PRKAR1B: variants seen among roughly 807,000 people sequenced by gnomAD.
The protein encoded by PRKAR1B is cAMP-dependent protein kinase type I-beta regulatory subunit.
In PRKAR1B, 22 loss-of-function variants were observed where a neutral mutation model predicts 46.5. The ratio of observed to expected loss-of-function variants is 0.47; its 90% CI spans 0.34 to 0.68. PRKAR1B has a LOEUF of 0.68. Ranked by LOEUF, PRKAR1B falls within the 30% of genes least tolerant of loss-of-function variation. The pLI is 0.01. For synonymous variants in PRKAR1B, 259 were observed against 217.7 expected, an observed-to-expected ratio of 1.19 and a Z score of -1.67; for missense variants, 445 against 535.6, an observed-to-expected ratio of 0.83 and a Z score of 1.67.
rs774298132 is a variant in PRKAR1B at position 680,656 on chromosome 7, G to A, written c.248C>T (p.Ser83Leu). 39 of 1,613,220 alleles carry A rather than the reference G, an allele frequency of 2.4e-5. No homozygotes were observed. Among genetic ancestry groups the A allele is most frequent in the Admixed American group, 2.3e-4 (14 of 59,860 alleles). The stretch of plus-strand genomic sequence containing the variant: ...CACCACAGGGTTCGGGGGGGTGGGC[G>A]ACACCTCCTCATCATGGGAGTCCGA... The part of the protein sequence containing the change: ...SQSDSHDEEV[S>L]PTPPNPVVKA... The change falls in exon 3 of 11, where the codon TCG (serine) becomes TTG (leucine). Residue 83 changes from serine to leucine, a missense_variant. Coordinates refer to ENST00000537384, the MANE Select transcript of PRKAR1B (RefSeq NM_001164760.2).
chr7:596,082 G>A (rs890648685), intron 7 of PRKAR1B, 64 bp downstream of exon 7: 2 of 1,567,802 alleles, frequency 1.3e-6, no homozygotes, highest in Non-Finnish European at 1.7e-6. Flanking sequence ...ATAGAGCTAG[G>A]GTTCCCAGGG....
In PRKAR1B at chr7:550,541, G is replaced by A. The variant is rs372637666; in HGVS notation, c.1035C>T (p.Leu345=). The A allele has an allele frequency of 5.6e-6, 9 of 1,605,702 alleles. No individual in the cohort carries two copies. In the African/African-American group the frequency reaches 6.7e-5, roughly 12 times the overall value. ...GGGGCCGGTCCAGCTTCACACACTT[G>A]AGGGGCCCCCGGGCCACGACAGTGG... ...RAATVVARGP[L]KCVKLDRPRF... is the part of the protein sequence containing the mutation. Residue 345 remains leucine (L), a synonymous_variant, in exon 11 of 11, where the codon CTC becomes CTT. Coordinates refer to ENST00000537384, the MANE Select transcript of PRKAR1B (RefSeq NM_001164760.2).
At chr7:678,492 G>T (rs1778467327) in intron 3 of PRKAR1B, among the ~76,000 whole-genome samples, 1 of 152,150 alleles carries the variant, frequency 6.6e-6, no homozygotes, top group African/African-American at 2.4e-5. Context: ...CTGAAACTCT[G>T]CACCCTTTGA....
At chr7:694,827 G>T (rs930320991) in intron 2 of PRKAR1B, among the ~76,000 whole-genome samples, 8 of 152,168 alleles carry the variant, frequency 5.3e-5, no homozygotes, top group Admixed American at 3.9e-4. Flanking sequence ...CCTGAGGTCA[G>T]AAGTTCGAGA....
chr7:556,647 C>T (rs4076752), intron 9 of PRKAR1B, among the ~76,000 whole-genome samples: 11,635 of 152,258 alleles, frequency 0.076, 558 homozygotes, highest in Non-Finnish European at 0.1. Context: ...GGGGCTGTGG[C>T]GCGGCTGGAC....
At chr7:710,478 G>T (rs572979314) in intron 2 of PRKAR1B, among the ~76,000 whole-genome samples, 1 of 152,200 alleles carries the variant, frequency 6.6e-6, no homozygotes, top group South Asian at 2.1e-4. Context: ...AGGCCAGGAA[G>T]GGGGTGAGAG....
chr7:676,683 G>C (rs982007155), intron 4 of PRKAR1B, among the ~76,000 whole-genome samples: 1 of 152,242 alleles, frequency 6.6e-6, no homozygotes, highest in African/African-American at 2.4e-5. Flanking sequence ...GTGAGCCCAC[G>C]TTTCCTGAGA....
intron 2 of PRKAR1B, among the ~76,000 whole-genome samples, chr7:709,746 C>T (rs2128527866): frequency 6.6e-6 from 1 of 152,226 alleles, no homozygotes; most frequent in South Asian, 2.1e-4. Flanking sequence ...TGGTTCACCA[C>T]AGCCTCAAAC....
At chr7:699,119 G>T (rs1779926174) in intron 2 of PRKAR1B, among the ~76,000 whole-genome samples, 1 of 152,236 alleles carries the variant, frequency 6.6e-6, no homozygotes, top group Non-Finnish European at 1.5e-5. Flanking sequence ...CACGCCAGGG[G>T]CCAGAGCCCA....
intron 3 of PRKAR1B, among the ~76,000 whole-genome samples, chr7:680,045 C>G (rs1292234836): frequency 6.6e-6 from 1 of 151,706 alleles, no homozygotes; most frequent in African/African-American, 2.4e-5. Context: ...GTAGTCCCAG[C>G]TACTCGGGAG....
chr7:552,665 A>G (rs1280617324), intron 9 of PRKAR1B, among the ~76,000 whole-genome samples: 1 of 152,048 alleles, frequency 6.6e-6, no homozygotes, highest in Non-Finnish European at 1.5e-5. Flanking sequence ...GCTCCTCGAA[A>G]TGGAACTCAC....
chr7:625,013 A>G (rs1783307982), intron 4 of PRKAR1B, among the ~76,000 whole-genome samples: 1 of 152,242 alleles, frequency 6.6e-6, no homozygotes, highest in African/African-American at 2.4e-5. Flanking sequence ...ATTCTGGGCC[A>G]TAAAATATCC....
chr7:632,196 C>T (rs1412180084), intron 4 of PRKAR1B, among the ~76,000 whole-genome samples: 1 of 152,196 alleles, frequency 6.6e-6, no homozygotes, highest in African/African-American at 2.4e-5. Context: ...AACCCTGTGT[C>T]TCTGTTGCCT....
In PRKAR1B at chr7:693,577, A is replaced by G. The variant is rs530051054; in HGVS notation, c.178-12851T>C. Among the ~76,000 whole-genome samples, 9 of 152,300 alleles carry G rather than the reference A, an allele frequency of 5.9e-5. No individual in the cohort carries two copies. In the East Asian group the frequency reaches 1.7e-3, roughly 29 times the overall value. The stretch of plus-strand genomic sequence containing the variant: ...GTTCGTCCGCGCTGTGCTGCGTGTC[A>G]GGTGATTCACTCCTTTCTGTGGCTG... On this transcript the variant is annotated intron_variant, in intron 2 of 10. Transcript: ENST00000537384.
At chr7:662,643 C>G (rs1160842298) in intron 4 of PRKAR1B, among the ~76,000 whole-genome samples, 2 of 144,068 alleles carry the variant, frequency 1.4e-5, no homozygotes, top group East Asian at 2.2e-4. Flanking sequence ...CCCCGCCATG[C>G]CACAGGTCCC....
chr7:552,979 G>A (rs1335836705), intron 9 of PRKAR1B, among the ~76,000 whole-genome samples: 1 of 152,276 alleles, frequency 6.6e-6, no homozygotes, highest in Non-Finnish European at 1.5e-5. Flanking sequence ...CATATCACAG[G>A]GCACCGCCGC....
intron 4 of PRKAR1B, among the ~76,000 whole-genome samples, chr7:633,243 T>G (rs1210245496): frequency 6.6e-6 from 1 of 152,126 alleles, no homozygotes; most frequent in East Asian, 1.9e-4. Context: ...CAAACATCTA[T>G]CTAACACAGG....
intron 8 of PRKAR1B, among the ~76,000 whole-genome samples, chr7:583,628 AC>A (rs1234978369): frequency 2.4e-4 from 31 of 127,884 alleles, no homozygotes; most frequent in African/African-American, 7.4e-4. Context: ...GCACACTCAA[AC>A]CCCCACACTC....
chr7:667,939 A>T lies in PRKAR1B; in HGVS notation c.440+9290T>A, dbSNP rs1421476064. Among the ~76,000 whole-genome samples the T allele has an allele frequency of 1.3e-5, 2 of 152,182 alleles. No individual in the cohort carries two copies. Among genetic ancestry groups the T allele is most frequent in the Non-Finnish European group, 2.9e-5 (2 of 68,040 alleles). ...CAACCACGTTGCACTATCTTCCTTTAAATCAAAGGTCTTAAACATAATTTC... is the reference window on the plus strand; with the variant it reads ...CAACCACGTTGCACTATCTTCCTTTTAATCAAAGGTCTTAAACATAATTTC... On this transcript the variant is annotated intron_variant, in intron 4 of 10. Coordinates refer to ENST00000537384, the MANE Select transcript of PRKAR1B (RefSeq NM_001164760.2). This position sits in a 1 kb window ranked among gnomAD's most constrained non-coding sequence, Gnocchi z 4.3.
Sources: gnomAD v4.1 joint callset for allele counts (sites outside exome capture counted in the v4.1 genomes callset) on GRCh38, gnomAD v4.1.1 for gene constraint, Gnocchi (gnomAD v3.1) non-coding constraint, MANE v1.5 for transcripts, NCBI Gene and HGNC (gene_info 2026-07-23, HGNC 2026-07-21) for gene names.